The following NAV3 variants were observed in gnomAD, a reference collection of about 807,000 sequenced individuals.
NAV3 encodes pore membrane and/or filament interacting like protein 1.
A neutral mutation model predicts 244.7 loss-of-function variants in NAV3; 87 were observed. The ratio of observed to expected loss-of-function variants is 0.36; its 90% CI spans 0.30 to 0.42. The LOEUF is 0.42. Among genes scored for constraint, NAV3 ranks in the 20% least tolerant of loss-of-function variants. The pLI is 1.00. For synonymous variants in NAV3, 1,126 were observed against 1,042.2 expected, an observed-to-expected ratio of 1.08 and a Z score of -1.55; for missense variants, 2,663 against 2,893.3, an observed-to-expected ratio of 0.92 and a Z score of 1.83.
chr12:78,126,079 G>C (rs1329076587), intron 16 of NAV3, among the ~76,000 whole-genome samples: 1 of 152,048 alleles, frequency 6.6e-6, no homozygotes, highest in Non-Finnish European at 1.5e-5. Context: ...AACTTCTATA[G>C]TCAACATATA....
chr12:77,894,328 A>C (rs934830048), intron 1 of NAV3, among the ~76,000 whole-genome samples: 1 of 152,236 alleles, frequency 6.6e-6, no homozygotes, highest in Non-Finnish European at 1.5e-5. Context: ...GAAAATGTAC[A>C]TCTGTTATTA....
intron 2 of NAV3, among the ~76,000 whole-genome samples, chr12:77,741,154 A>G (rs1868325957): frequency 6.9e-6 from 1 of 144,518 alleles, no homozygotes; most frequent in Admixed American, 6.8e-5. Context: ...AAGACAAAAA[A>G]AAAAAAAAAA....
chr12:77,886,054 C>T (rs951470880), intron 1 of NAV3, among the ~76,000 whole-genome samples: 8 of 152,116 alleles, frequency 5.3e-5, no homozygotes, highest in Admixed American at 2.0e-4. Context: ...TATCATCTCT[C>T]TCTAAAGGCA....
intron 5 of NAV3, 91 bp from the exon 6 acceptor site, chr12:77,994,712 T>C: frequency 1.0e-6 from 1 of 970,838 alleles, no homozygotes; most frequent in Non-Finnish European, 1.6e-6. Context: ...CAATTGCATT[T>C]CATTAATTCA....
intron 2 of NAV3, among the ~76,000 whole-genome samples, chr12:77,716,278 G>A (rs1303934960): frequency 6.8e-6 from 1 of 146,554 alleles, no homozygotes; most frequent in African/African-American, 2.5e-5. Context: ...GTAATAGCAA[G>A]TTTTTTTTTT....
chr12:77,921,041 C>T (rs1887663547), intron 1 of NAV3, among the ~76,000 whole-genome samples: 1 of 151,908 alleles, frequency 6.6e-6, no homozygotes, highest in Non-Finnish European at 1.5e-5. Flanking sequence ...GAAAAGGATA[C>T]CTATTCTTAA....
At chr12:77,755,466 C>A (rs1869090220) in intron 2 of NAV3, among the ~76,000 whole-genome samples, 1 of 150,410 alleles carries the variant, frequency 6.6e-6, no homozygotes, top group Non-Finnish European at 1.5e-5. Context: ...TTTTTCTTTT[C>A]CTTCCTTCCT....
chr12:77,953,911 TAAA>T (rs1891126555), intron 3 of NAV3, among the ~76,000 whole-genome samples: 1 of 152,186 alleles, frequency 6.6e-6, no homozygotes, highest in Admixed American at 6.6e-5. Flanking sequence ...TTTGGTGGCT[TAAA>T]ACAATAGAAA....
At chr12:77,776,642 G>C (rs1158585512) in intron 2 of NAV3, among the ~76,000 whole-genome samples, 2 of 152,254 alleles carry the variant, frequency 1.3e-5, no homozygotes, top group East Asian at 3.9e-4. Flanking sequence ...AGCATGCTCT[G>C]TCATTGTACC....
Position 77,865,039 on chromosome 12 carries a change from G to A in NAV3, c.243+33335G>A, listed in dbSNP as rs183683158. 8.5e-4 allele frequency among the ~76,000 whole-genome samples: 129 copies of A among 152,076 alleles called. 2 individuals are homozygous for A. Among genetic ancestry groups the A allele is most frequent in the Non-Finnish European group, 3.8e-4 (26 of 67,892 alleles). ...TATGTTTTATTCTAATCACTTATGG[G>A]CATTAAATGTAACCTTGTAAGATCT... On this transcript the variant is annotated intron_variant, in intron 1 of 39. Transcript: ENST00000397909.
intron 2 of NAV3, among the ~76,000 whole-genome samples, chr12:77,794,453 C>T (rs937050721): frequency 2.6e-5 from 4 of 152,140 alleles, no homozygotes; most frequent in African/African-American, 4.8e-5. Flanking sequence ...AGTCAACTGG[C>T]GGTTGATCTA....
chr12:77,854,155 C>G (rs144346731), intron 1 of NAV3, among the ~76,000 whole-genome samples: 82 of 152,204 alleles, frequency 5.4e-4, no homozygotes, highest in African/African-American at 1.9e-3. Context: ...CAGACATAGC[C>G]TAATTAGTTA....
chr12:77,927,158 T>G (rs1316521693), intron 1 of NAV3, among the ~76,000 whole-genome samples: 4 of 152,220 alleles, frequency 2.6e-5, no homozygotes, highest in Non-Finnish European at 5.9e-5. Flanking sequence ...ATAACTGTTT[T>G]TTAAAACATA....
intron 5 of NAV3, among the ~76,000 whole-genome samples, chr12:77,979,712 G>GA (rs150656996): frequency 0.39 from 47,440 of 121,374 alleles, 8,528 homozygotes; most frequent in South Asian, 0.49. Flanking sequence ...AAAAAAAAAA[G>GA]AAAAAAAAAA....
chr12:78,038,886 C>A lies in NAV3; in HGVS notation c.2024-11107C>A, dbSNP rs531404900. ...GTCCCCTGACAGCATTTGATGCTTA[C>A]TCAGTTAAATTATAGCATGCTGTGG... On this transcript the variant is annotated intron_variant, in intron 9 of 39. Transcript: ENST00000397909. 2.0e-4 allele frequency among the ~76,000 whole-genome samples: 31 copies of A among 152,216 alleles called. No homozygotes were observed. In the South Asian group the frequency reaches 5.8e-3, roughly 28 times the overall value.
chr12:77,758,245 T>A (rs753586818), intron 2 of NAV3, among the ~76,000 whole-genome samples: 6 of 152,214 alleles, frequency 3.9e-5, no homozygotes, highest in Non-Finnish European at 8.8e-5. Flanking sequence ...TGTTTTGATT[T>A]CTTATCACCT....
chr12:77,987,154 C>T (rs773352391), intron 5 of NAV3, among the ~76,000 whole-genome samples: 10 of 151,952 alleles, frequency 6.6e-5, no homozygotes, highest in African/African-American at 2.4e-4. Context: ...TTGTTTGATA[C>T]TTGAAGAGAT....
rs188881254 is a variant in NAV3, at chr12:77,774,148, A to G, written c.73-166171A>G. ...GTTTATAGTTGTGAATTTTATGCCC[A>G]TATAAACAGCATATGTAAGTTGCCC... is the stretch of plus-strand genomic sequence containing the variant. On this transcript the variant is annotated intron_variant, in intron 2 of 8. Transcript: ENST00000550042. 9.2e-5 allele frequency among the ~76,000 whole-genome samples: 14 copies of G among 152,308 alleles called. No homozygotes were observed. The South Asian group carries it at 2.1e-3, about 23-fold the overall frequency.
intron 3 of NAV3, among the ~76,000 whole-genome samples, chr12:77,948,157 G>A (rs544432152): frequency 2.0e-5 from 3 of 151,900 alleles, no homozygotes; most frequent in Admixed American, 1.3e-4. Context: ...AAATCATTTC[G>A]TTGTGGGAAT....
Sources: allele counts gnomAD v4.1 joint callset (sites outside exome capture counted in the v4.1 genomes callset), GRCh38; gene constraint gnomAD v4.1.1; transcripts MANE v1.5; gene names NCBI Gene and HGNC (gene_info 2026-07-23, HGNC 2026-07-21).